The following SPHKAP variants were observed in gnomAD, a reference collection of about 807,000 sequenced individuals.
SPHKAP encodes SPHK1 interactor, AKAP domain containing, also known as A-kinase anchor protein SPHKAP.
SPHKAP carries 67 observed loss-of-function variants against 137.5 expected under a neutral mutation model. The ratio of observed to expected loss-of-function variants is 0.49; its 90% CI spans 0.40 to 0.60. SPHKAP has a LOEUF of 0.60. Among genes scored for constraint, SPHKAP ranks in the 20% least tolerant of loss-of-function variants. The pLI is 0.00. For missense variants in SPHKAP, 2,097 were observed against 2,069.3 expected, an observed-to-expected ratio of 1.01 and a Z score of -0.26; for synonymous variants, 813 against 785.3, an observed-to-expected ratio of 1.04 and a Z score of -0.59.
At chr2:228,108,989 T>A in intron 2 of SPHKAP, 50 bp from the exon 3 acceptor site, 3 of 1,174,980 alleles carry the variant, frequency 2.6e-6, no homozygotes, top group South Asian at 1.5e-5. Flanking sequence ...CCTTTCTATC[T>A]AAACAGCAGC....
At chr2:228,180,750 C>CG (rs1438441584) in intron 1 of SPHKAP, among the ~76,000 whole-genome samples, 2 of 152,184 alleles carry the variant, frequency 1.3e-5, no homozygotes, top group Non-Finnish European at 2.9e-5. Flanking sequence ...ACCACCGCCC[C>CG]GATTTACCCA....
intron 3 of SPHKAP, among the ~76,000 whole-genome samples, chr2:228,039,403 C>T (rs1046154236): frequency 6.6e-5 from 10 of 151,752 alleles, no homozygotes; most frequent in African/African-American, 2.4e-4. Context: ...CAACTACTTA[C>T]ATACAATAAA....
At chr2:228,005,370 T>C (rs1032714863) in intron 7 of SPHKAP, among the ~76,000 whole-genome samples, 2 of 152,200 alleles carry the variant, frequency 1.3e-5, no homozygotes, top group Admixed American at 6.5e-5. Flanking sequence ...ACTAGGATTG[T>C]AACCCCTGCC....
At position 228,181,661 on chromosome 2, in the gene SPHKAP, A is replaced by G. The variant is rs879110295; in HGVS notation, c.-63T>C. 2.5e-6 allele frequency: 4 copies of G among 1,613,998 alleles called. No homozygotes were observed. Among genetic ancestry groups the G allele is most frequent in the Non-Finnish European group, 3.4e-6 (4 of 1,179,938 alleles). On this transcript the variant is annotated 5_prime_UTR_variant, in exon 1 of 12. Coordinates refer to ENST00000392056, the MANE Select transcript of SPHKAP (RefSeq NM_001142644.2). The surrounding 1 kb of genome is among the most constrained non-coding windows in gnomAD (Gnocchi z 4.3). Reference sequence around the variant, plus strand: ...AGGCGAAGGATAAGTCTGTGGTGCTAGGACCCAGCTCCCAGAGTGCCAGAC... The same window carrying G: ...AGGCGAAGGATAAGTCTGTGGTGCTGGGACCCAGCTCCCAGAGTGCCAGAC...
intron 7 of SPHKAP, among the ~76,000 whole-genome samples, chr2:227,998,216 G>C (rs562661283): frequency 5.9e-5 from 9 of 151,956 alleles, no homozygotes; most frequent in South Asian, 2.1e-4. Flanking sequence ...ATGTTGGCTG[G>C]GCTGGTCTCG....
intron 3 of SPHKAP, among the ~76,000 whole-genome samples, chr2:228,092,246 TG>T (rs1697783679): frequency 6.9e-6 from 1 of 145,618 alleles, no homozygotes; most frequent in South Asian, 2.1e-4. Flanking sequence ...TATACACACG[TG>T]TATATGTGTG....
Position 228,108,716 on chromosome 2 carries a change from G to T in SPHKAP, c.246+116C>A, listed in dbSNP as rs111975663. The stretch of plus-strand genomic sequence containing the variant: ...ATAAACCCGCTATGTATTTTCAAAG[G>T]AATATTTTCTCAACTTGGTATTTAA... On this transcript the variant is annotated intron_variant, in intron 3 of 11. Coordinates refer to ENST00000392056, the MANE Select transcript of SPHKAP (RefSeq NM_001142644.2). 23 of 686,650 alleles carry T rather than the reference G, an allele frequency of 3.3e-5. 1 individual carries two copies. Among genetic ancestry groups the T allele is most frequent in the African/African-American group, 2.2e-4 (12 of 53,752 alleles). 42.5% of individuals were successfully genotyped at this position (686,650 alleles called of 1,614,324 possible).
At chr2:228,001,264 T>C (rs899232011) in intron 7 of SPHKAP, among the ~76,000 whole-genome samples, 8 of 119,014 alleles carry the variant, frequency 6.7e-5, no homozygotes, top group Non-Finnish European at 1.2e-4. Context: ...CACACACACA[T>C]ATATAAATAT....
Position 228,008,250 on chromosome 2 carries a change from A to G in SPHKAP, c.4448+8156T>C, listed in dbSNP as rs1694216845. ...GGTGTATCAAAAATGTCATTGCCAT[A>G]CCCACAATCCATCTAGATTTTTCTC... On this transcript the variant is annotated intron_variant, in intron 7 of 11. Transcript: ENST00000392056. 2.7e-5 allele frequency among the ~76,000 whole-genome samples: 4 copies of G among 150,576 alleles called. No homozygotes were observed. In the South Asian group the frequency reaches 8.4e-4, roughly 32 times the overall value.
intron 1 of SPHKAP, among the ~76,000 whole-genome samples, chr2:228,153,059 G>A (rs1280791163): frequency 6.6e-6 from 1 of 152,094 alleles, no homozygotes; most frequent in East Asian, 1.9e-4. Flanking sequence ...CTTGTCTGCT[G>A]CCATGTAAGA....
chr2:227,988,871 T>C (rs975534194), intron 11 of SPHKAP, among the ~76,000 whole-genome samples: 1 of 152,184 alleles, frequency 6.6e-6, no homozygotes, highest in Non-Finnish European at 1.5e-5. Context: ...AGTGAACCGC[T>C]CAACACCTTG....
At chr2:228,002,511 G>A (rs991704855) in intron 7 of SPHKAP, among the ~76,000 whole-genome samples, 51 of 152,112 alleles carry the variant, frequency 3.4e-4, no homozygotes, top group African/African-American at 1.0e-3. Context: ...CTCCCATTTT[G>A]TAGGTTGCCT....
chr2:228,004,983 G>T (rs1462221253), intron 7 of SPHKAP, among the ~76,000 whole-genome samples: 1 of 150,812 alleles, frequency 6.6e-6, no homozygotes, highest in Admixed American at 6.6e-5. Context: ...CCAACTATGT[G>T]AATTTTGGAA....
intron 1 of SPHKAP, among the ~76,000 whole-genome samples, chr2:228,166,306 C>T (rs1700421757): frequency 6.6e-6 from 1 of 152,160 alleles, no homozygotes; most frequent in Non-Finnish European, 1.5e-5. Flanking sequence ...ACAAAATGAA[C>T]TAATTTCCCT....
chr2:228,152,995 C>T (rs1028315711), intron 1 of SPHKAP, among the ~76,000 whole-genome samples: 11 of 152,126 alleles, frequency 7.2e-5, no homozygotes, highest in Admixed American at 2.0e-4. Context: ...TTAAGTCTCA[C>T]GAGAGCTGAT....
intron 1 of SPHKAP, among the ~76,000 whole-genome samples, chr2:228,171,624 C>T (rs1181040030): frequency 6.6e-6 from 1 of 152,112 alleles, no homozygotes; most frequent in Admixed American, 6.6e-5. Flanking sequence ...AAGTTAATTT[C>T]AGAGTGGAAT....
At chr2:228,033,322 T>C (rs531334833) in intron 3 of SPHKAP, among the ~76,000 whole-genome samples, 1 of 152,104 alleles carries the variant, frequency 6.6e-6, no homozygotes, top group Non-Finnish European at 1.5e-5. Flanking sequence ...TCAACAAGAA[T>C]AGCTAACTAT....
chr2:228,094,421 T>C (rs1205830351), intron 3 of SPHKAP, among the ~76,000 whole-genome samples: 1 of 152,222 alleles, frequency 6.6e-6, no homozygotes, highest in Non-Finnish European at 1.5e-5. Flanking sequence ...ATTTCACAAA[T>C]GGAAGCTTAG....
chr2:227,988,383 A>G (rs1254656939), intron 11 of SPHKAP, among the ~76,000 whole-genome samples: 1 of 152,212 alleles, frequency 6.6e-6, no homozygotes, highest in Non-Finnish European at 1.5e-5. Context: ...TGATAACATT[A>G]GCGGAATGTC....
Sources: gnomAD v4.1 joint callset for allele counts (sites outside exome capture counted in the v4.1 genomes callset) on GRCh38, gnomAD v4.1.1 for gene constraint, Gnocchi (gnomAD v3.1) non-coding constraint, MANE v1.5 for transcripts, NCBI Gene and HGNC (gene_info 2026-07-23, HGNC 2026-07-21) for gene names.